The following SP100 variants were observed in gnomAD, a reference collection of about 807,000 sequenced individuals.
SP100 encodes the protein nuclear autoantigen Sp-100.
In SP100, 84 loss-of-function variants were observed where a neutral mutation model predicts 130.0. The ratio of observed to expected loss-of-function variants is 0.65; its 90% CI spans 0.54 to 0.77. The LOEUF is 0.77. SP100 is among the 30% of genes least tolerant of loss of function. The pLI is 0.00. For missense variants in SP100, 978 were observed against 1,052.2 expected (o/e 0.93, Z 0.97); for synonymous variants, 331 against 351.7 (o/e 0.94, Z 0.66).
At chr2:230,446,654 T>C (rs1302293545) in intron 4 of SP100, among the ~76,000 whole-genome samples, 165 bp from the exon 5 acceptor site, 1 of 152,194 alleles carries the variant, frequency 6.6e-6, no homozygotes, top group African/African-American at 2.4e-5. Context: ...ACTGTTGGGG[T>C]CTTCTCTTCT....
chr2:230,495,294 C>T (rs1339049225), intron 18 of SP100, among the ~76,000 whole-genome samples: 1 of 152,074 alleles, frequency 6.6e-6, no homozygotes, highest in Non-Finnish European at 1.5e-5. Flanking sequence ...CACATCAGAT[C>T]TAAGCCTGAG....
chr2:230,483,997 T>C (rs1326149332), intron 17 of SP100, among the ~76,000 whole-genome samples: 2 of 152,214 alleles, frequency 1.3e-5, no homozygotes, highest in East Asian at 1.9e-4. Context: ...GCACTATATC[T>C]CATGCCTGAA....
At chr2:230,482,142 G>A (rs115254455) in intron 17 of SP100, among the ~76,000 whole-genome samples, 1 of 152,030 alleles carries the variant, frequency 6.6e-6, no homozygotes, top group East Asian at 1.9e-4. Flanking sequence ...TTTTATCCTT[G>A]TGTAATTGGT....
At chr2:230,486,716 T>C (rs935831118) in intron 17 of SP100, among the ~76,000 whole-genome samples, 1 of 152,262 alleles carries the variant, frequency 6.6e-6, no homozygotes, top group Non-Finnish European at 1.5e-5. Context: ...CTAGGTCAAA[T>C]GGTATTTCTG....
At chr2:230,481,088 A>G (rs2065814512) in intron 17 of SP100, among the ~76,000 whole-genome samples, 1 of 151,776 alleles carries the variant, frequency 6.6e-6, no homozygotes, top group East Asian at 1.9e-4. Flanking sequence ...CCTGATGTCT[A>G]CGTATTGGAG....
chr2:230,544,132 A>T lies in SP100; in HGVS notation c.*1186A>T, dbSNP rs796739821. ...TAGACCTCTTCCTTACACCATATAC[A>T]AAAATCAACTCAAGATCAATTAAAG... is the stretch of plus-strand genomic sequence containing the variant. On this transcript the variant is annotated 3_prime_UTR_variant, in exon 29 of 29. Transcript: ENST00000340126. The T allele has an allele frequency of 1.3e-5, 2 of 152,222 alleles. No individual in the cohort carries two copies. The highest frequency in any genetic ancestry group is 4.8e-5 in the African/African-American group (2 of 41,454). The allele number at this position is 152,222 out of a possible 1,614,324, so 9.4% of individuals were successfully genotyped here. A position where few individuals can be genotyped will look rare whatever the true frequency, so the allele number is the denominator to read the frequency against.
chr2:230,515,116 C>A, intron 24 of SP100: 2 of 1,612,958 alleles, frequency 1.2e-6, no homozygotes, highest in Non-Finnish European at 1.7e-6. Context: ...GAAGAAGAAC[C>A]CAGATGCTTC....
chr2:230,449,729 G>T lies in SP100; in HGVS notation c.736+19G>T, dbSNP rs1294330036. ...CCAACAGGTAAGACTGACTGGGTTG[G>T]CATGAATGGGGAGGAGCCAAGGGGC... On this transcript the variant is annotated intron_variant, in intron 7 of 28. Coordinates refer to ENST00000340126, the MANE Select transcript of SP100 (RefSeq NM_001080391.2). The T allele has an allele frequency of 1.2e-6, 2 of 1,613,772 alleles. No homozygotes were observed. The highest frequency in any genetic ancestry group is 2.7e-5 in the African/African-American group (2 of 75,018).
chr2:230,465,940 T>C (rs2064922882), intron 11 of SP100, among the ~76,000 whole-genome samples: 1 of 151,864 alleles, frequency 6.6e-6, no homozygotes, highest in African/African-American at 2.4e-5. Context: ...ATCCCAGCAT[T>C]TTGGGAGGCT....
intron 24 of SP100, among the ~76,000 whole-genome samples, chr2:230,530,081 T>C (rs1691628011): frequency 6.6e-6 from 1 of 152,126 alleles, no homozygotes; most frequent in African/African-American, 2.4e-5. Context: ...AAAAACTACT[T>C]TAAAGTTCAT....
At chr2:230,440,458 A>C in intron 2 of SP100, 1 of 948,630 alleles carries the variant, frequency 1.1e-6, no homozygotes, top group Middle Eastern at 3.9e-4. Context: ...AATTAAATTA[A>C]ATTTTTTATT....
In SP100 at chr2:230,487,008, C is replaced by G. The variant is rs535200366; in HGVS notation, c.1601-7408C>G. 2.6e-5 allele frequency among the ~76,000 whole-genome samples: 4 copies of G among 152,272 alleles called. No homozygotes were observed. The South Asian group carries it at 8.3e-4, about 32-fold the overall frequency. On this transcript the variant is annotated intron_variant, in intron 17 of 28. Coordinates refer to ENST00000340126, the MANE Select transcript of SP100 (RefSeq NM_001080391.2). ...AGTGTCTGTTCATATCCTTTGTCCA[C>G]TTTTTGATGGTTTTGTTTTTTCTTG...
chr2:230,501,078 C>T (rs2066992137), intron 19 of SP100, among the ~76,000 whole-genome samples: 1 of 151,752 alleles, frequency 6.6e-6, no homozygotes, highest in Admixed American at 6.6e-5. Context: ...CCTGTCTCTA[C>T]TAAAAATACA....
intron 19 of SP100, among the ~76,000 whole-genome samples, chr2:230,502,612 A>AT (rs773656058): frequency 6.6e-6 from 1 of 152,188 alleles, no homozygotes; most frequent in Non-Finnish European, 1.5e-5. Context: ...GTTCAACTTC[A>AT]TTCTTGCTCT....
chr2:230,501,929 C>T (rs1021295678), intron 19 of SP100, among the ~76,000 whole-genome samples: 3 of 152,050 alleles, frequency 2.0e-5, no homozygotes, highest in Admixed American at 6.6e-5. Context: ...AGTACAGTGG[C>T]GTGATCTTGG....
intron 24 of SP100, among the ~76,000 whole-genome samples, chr2:230,521,154 G>C (rs1691152575): frequency 6.6e-6 from 1 of 152,156 alleles, no homozygotes; most frequent in South Asian, 2.1e-4. Flanking sequence ...TCCTTTCTCT[G>C]CTTGTCATGT....
intron 24 of SP100, among the ~76,000 whole-genome samples, chr2:230,517,362 G>A (rs574815736): frequency 1.4e-4 from 21 of 152,200 alleles, no homozygotes; most frequent in Non-Finnish European, 2.5e-4. Context: ...GACTTCAAAA[G>A]CAATACAGAA....
intron 17 of SP100, among the ~76,000 whole-genome samples, chr2:230,489,532 T>C (rs911676656): frequency 1.3e-5 from 2 of 152,134 alleles, no homozygotes; most frequent in Non-Finnish European, 2.9e-5. Flanking sequence ...GCTCTGATCT[T>C]AGTTATTTCT....
At chr2:230,470,514 G>T (rs2065213265) in intron 15 of SP100, 3 of 690,214 alleles carry the variant, frequency 4.3e-6, no homozygotes, top group Non-Finnish European at 5.4e-6. Flanking sequence ...AAAAACTTCA[G>T]ATCAAACACT....
Sources: gnomAD v4.1 joint callset for allele counts (sites outside exome capture counted in the v4.1 genomes callset) on GRCh38, gnomAD v4.1.1 for gene constraint, MANE v1.5 for transcripts, NCBI Gene and HGNC (gene_info 2026-07-23, HGNC 2026-07-21) for gene names.